The following HRH1 variants were observed in gnomAD, a reference collection of about 807,000 sequenced individuals.
HRH1 encodes the protein histamine receptor H1.
Under a neutral mutation model 10.3 loss-of-function variants are expected in HRH1, and 6 were observed. That is an observed-to-expected ratio of 0.58 (90% CI 0.32 to 1.15). HRH1 has a LOEUF of 1.15. Ranked by LOEUF, HRH1 falls within the 50% of genes most tolerant of loss-of-function variation. HRH1 has a pLI of 0.05. For missense variants in HRH1, 514 were observed against 615.3 expected, an observed-to-expected ratio of 0.84 and a Z score of 1.74; for synonymous variants, 242 against 236.7, an observed-to-expected ratio of 1.02 and a Z score of -0.21.
upstream of HRH1, among the ~76,000 whole-genome samples, chr3:11,154,349 G>A (rs1936725977): frequency 6.6e-6 from 1 of 151,600 alleles, no homozygotes; most frequent in Admixed American, 6.6e-5. This position sits in a 1 kb window ranked among gnomAD's most constrained non-coding sequence, Gnocchi z 4.4. Flanking sequence ...CTGGGCGCGT[G>A]GAACCGGGTG....
Position 11,196,953 on chromosome 3 carries a change from C to CAAA in HRH1, c.-36+42419_-36+42421dup, listed in dbSNP as rs35134148. On this transcript the variant is annotated intron_variant, in intron 1 of 1. Transcript: ENST00000431010. ...TGAAACCCCGTCTCTACTAAAAATACAAAAAAAAAAAAAAAAAAAAAATTA... is the reference window on the plus strand; with the variant it reads ...TGAAACCCCGTCTCTACTAAAAATACAAAAAAAAAAAAAAAAAAAAAAAAATTA... Among the ~76,000 whole-genome samples the CAAA allele has an allele frequency of 7.0e-4, 77 of 110,436 alleles. 1 individual carries two copies. The highest frequency in any genetic ancestry group is 2.4e-3 in the African/African-American group (65 of 27,154). The allele number at this position is 110,436 out of a possible 152,430, so 72.5% of individuals were successfully genotyped here.
rs182993874 is a variant in HRH1 at position 11,202,276 on chromosome 3, C to T, written c.-36+47722C>T. Among the ~76,000 whole-genome samples the T allele has an allele frequency of 8.8e-3, 1,336 of 151,820 alleles. 25 individuals are homozygous for T. The highest frequency in any genetic ancestry group is 0.031 in the African/African-American group (1,279 of 41,432). ...AAAATTGGCCCGGTGTGGTGGTGAG[C>T]GCCTTGTAATCCCAGCTACTCGGGA... On this transcript the variant is annotated intron_variant, in intron 1 of 1. Coordinates refer to ENST00000431010, the MANE Select transcript of HRH1 (RefSeq NM_001098212.2).
chr3:11,184,678 G>A (rs453892), intron 1 of HRH1, among the ~76,000 whole-genome samples: 67,709 of 151,906 alleles, frequency 0.45, 16,241 homozygotes, highest in East Asian at 0.66. Flanking sequence ...TAGTTTGGGA[G>A]GCCGAGGCGG....
At chr3:11,218,312 G>C (rs1391356851) in intron 1 of HRH1, among the ~76,000 whole-genome samples, 9 of 151,858 alleles carry the variant, frequency 5.9e-5, no homozygotes, top group Admixed American at 5.2e-4. Flanking sequence ...GCCAGGCGTG[G>C]TGGCAGGTGC....
chr3:11,142,909 G>C (rs969025031), intron 1 of HRH1, among the ~76,000 whole-genome samples: 2 of 151,360 alleles, frequency 1.3e-5, no homozygotes, highest in African/African-American at 4.9e-5. Context: ...GCAAGACTCT[G>C]TTTTGGAAAA....
At chr3:11,161,294 T>C (rs1936917245) in intron 1 of HRH1, among the ~76,000 whole-genome samples, 1 of 152,262 alleles carries the variant, frequency 6.6e-6, no homozygotes, top group African/African-American at 2.4e-5. Context: ...TTTTCATTTC[T>C]TTCAAACTTT....
At chr3:11,172,720 T>TTTTTTTTTTG (rs58975059) in intron 1 of HRH1, among the ~76,000 whole-genome samples, 1 of 148,164 alleles carries the variant, frequency 6.7e-6, no homozygotes, top group African/African-American at 2.6e-5. Context: ...TTTTTTTTTT[T>TTTTTTTTTTG]GAGATGGAGT....
intron 1 of HRH1, among the ~76,000 whole-genome samples, chr3:11,183,552 C>G (rs1012378136): frequency 6.6e-6 from 1 of 152,168 alleles, no homozygotes. Flanking sequence ...AAATCCTGCT[C>G]TAGGCAAACA....
chr3:11,142,073 G>T (rs1936302323), intron 1 of HRH1, among the ~76,000 whole-genome samples: 1 of 152,194 alleles, frequency 6.6e-6, no homozygotes, highest in South Asian at 2.1e-4. Context: ...GGTCTACAAG[G>T]TATGTGGGTA....
intron 1 of HRH1, among the ~76,000 whole-genome samples, chr3:11,175,187 G>A (rs986034331): frequency 8.5e-5 from 13 of 152,190 alleles, no homozygotes; most frequent in African/African-American, 3.1e-4. Context: ...GATAATAGCA[G>A]CTTCTGCTAT....
intron 1 of HRH1, among the ~76,000 whole-genome samples, chr3:11,186,259 T>A (rs1326609279): frequency 6.6e-6 from 1 of 152,178 alleles, no homozygotes; most frequent in Non-Finnish European, 1.5e-5. Flanking sequence ...TGAGCAGCTG[T>A]CATAAAGCTA....
rs1377411585 is a variant in HRH1, at chr3:11,259,326, C to T, written c.289C>T (p.Arg97Cys). The change falls in exon 2 of 2, where the codon CGT becomes TGT. Residue 97 changes from arginine (R) to cysteine (C), a missense_variant. Coordinates refer to ENST00000431010, the MANE Select transcript of HRH1 (RefSeq NM_001098212.2). The surrounding 1 kb of genome is among the most constrained non-coding windows in gnomAD (Gnocchi z 4.6). ...YLLMSKWSLGRPLCLFWLSMD... is the reference protein window; with the variant it reads ...YLLMSKWSLGCPLCLFWLSMD... ...GCTCATGTCCAAGTGGTCACTGGGC[C>T]GTCCTCTCTGCCTCTTTTGGCTTTC... 5 of 1,613,502 alleles carry T rather than the reference C, an allele frequency of 3.1e-6. No individual in the cohort carries two copies. The highest frequency in any genetic ancestry group is 1.3e-5 in the African/African-American group (1 of 74,840).
intron 1 of HRH1, among the ~76,000 whole-genome samples, chr3:11,138,990 T>TTC (rs1936239606): frequency 1.0e-5 from 1 of 99,298 alleles, no homozygotes; most frequent in African/African-American, 6.4e-5. Context: ...TGCATTGTTC[T>TTC]TTTTTTTTTT....
At chr3:11,224,493 C>T (rs926497267) in intron 1 of HRH1, among the ~76,000 whole-genome samples, 3 of 152,062 alleles carry the variant, frequency 2.0e-5, no homozygotes, top group East Asian at 3.9e-4. Flanking sequence ...TTCAGGATAT[C>T]GAGACCATCC....
chr3:11,166,536 G>A (rs542514918), intron 1 of HRH1, among the ~76,000 whole-genome samples: 19 of 151,636 alleles, frequency 1.3e-4, no homozygotes, highest in Admixed American at 3.3e-4. Flanking sequence ...GCTGTCTCCT[G>A]CATTCTCCAG....
rs377397952 is a variant in HRH1 at position 11,259,262 on chromosome 3, C to T, written c.225C>T (p.Ile75=). The change falls in exon 2 of 2, where the codon ATC becomes ATT. Residue 75 remains isoleucine, a synonymous_variant. Coordinates refer to ENST00000431010, the MANE Select transcript of HRH1 (RefSeq NM_001098212.2). The surrounding 1 kb of genome is among the most constrained non-coding windows in gnomAD (Gnocchi z 4.6). ...YIVSLSVADL[I]VGAVVMPMNI... is the part of the protein sequence containing the mutation. ...TCAGCCTCTCGGTGGCGGACTTGAT[C>T]GTGGGTGCCGTCGTCATGCCTATGA... 24 of 1,607,310 alleles carry T rather than the reference C, an allele frequency of 1.5e-5. No individual in the cohort carries two copies. The highest frequency in any genetic ancestry group is 5.5e-5 in the African/African-American group (4 of 73,160).
chr3:11,194,612 G>C (rs995631765), intron 1 of HRH1, among the ~76,000 whole-genome samples: 9 of 152,190 alleles, frequency 5.9e-5, no homozygotes, highest in Non-Finnish European at 8.8e-5. Context: ...TCAGGAGTTC[G>C]AGACCACCCT....
chr3:11,247,370 C>A (rs1049161730), intron 1 of HRH1, among the ~76,000 whole-genome samples: 2 of 152,194 alleles, frequency 1.3e-5, no homozygotes, highest in Non-Finnish European at 2.9e-5. Flanking sequence ...GTCACGATCG[C>A]AAGAGCACAC....
At chr3:11,234,916 G>A (rs1939135880) in intron 1 of HRH1, among the ~76,000 whole-genome samples, 1 of 151,992 alleles carries the variant, frequency 6.6e-6, no homozygotes, top group Non-Finnish European at 1.5e-5. Context: ...TTTTTATGAT[G>A]ATTACTTTAA....
Sources: allele counts gnomAD v4.1 joint callset (sites outside exome capture counted in the v4.1 genomes callset), GRCh38; gene constraint gnomAD v4.1.1; non-coding constraint Gnocchi (gnomAD v3.1); transcripts MANE v1.5; gene names NCBI Gene and HGNC (gene_info 2026-07-23, HGNC 2026-07-21).